ABHD6: variants seen among roughly 807,000 people sequenced by gnomAD.
The protein encoded by ABHD6 is abhydrolase domain containing 6, acylglycerol lipase.
ABHD6 carries 33 observed loss-of-function variants against 38.8 expected under a neutral mutation model. That is an observed-to-expected ratio of 0.85 (90% CI 0.64 to 1.14). ABHD6 has a LOEUF of 1.14. Ranked by LOEUF, ABHD6 falls within the 50% of genes most tolerant of loss-of-function variation. ABHD6 has a pLI of 0.00. For missense variants in ABHD6, 380 were observed against 422.6 expected, an observed-to-expected ratio of 0.90 and a Z score of 0.88; for synonymous variants, 147 against 161.6, an observed-to-expected ratio of 0.91 and a Z score of 0.69.
At chr3:58,288,131 G>C (rs114302311) in intron 9 of ABHD6, among the ~76,000 whole-genome samples, 4,330 of 152,280 alleles carry the variant, frequency 0.028, 88 homozygotes, top group Admixed American at 0.049. Context: ...CCCTGGGACA[G>C]AGGCCAAATA....
chr3:58,277,646 A>G (rs1313677119), intron 7 of ABHD6, among the ~76,000 whole-genome samples: 2 of 152,120 alleles, frequency 1.3e-5, no homozygotes, highest in Non-Finnish European at 2.9e-5. Context: ...CCAACACTAT[A>G]TTGAATAGGA....
rs753215562 is a variant in ABHD6, at chr3:58,266,114, G to A, written c.120-1075G>A. 6.6e-6 allele frequency among the ~76,000 whole-genome samples: 1 copy of A among 152,140 alleles called. No individual in the cohort carries two copies. Among genetic ancestry groups the A allele is most frequent in the Non-Finnish European group, 1.5e-5 (1 of 68,024 alleles). The stretch of plus-strand genomic sequence containing the variant: ...TAGCCAATGCTATTATGTTCTTTAC[G>A]TTTTGAGTAGGCAATGCAGTCATTA... On this transcript the variant is annotated intron_variant, in intron 3 of 9. Transcript: ENST00000478253. The surrounding 1 kb of genome is among the most constrained non-coding windows in gnomAD (Gnocchi z 4.0).
chr3:58,244,865 T>G (rs980153872), intron 1 of ABHD6, among the ~76,000 whole-genome samples: 1 of 152,228 alleles, frequency 6.6e-6, no homozygotes, highest in African/African-American at 2.4e-5. Flanking sequence ...TTTATTTAGA[T>G]AAAGTACTAA....
chr3:58,257,301 T>C lies in ABHD6; in HGVS notation c.119+596T>C, dbSNP rs1303302427. Among the ~76,000 whole-genome samples, 1 of 152,142 alleles carries C rather than the reference T, an allele frequency of 6.6e-6. No individual in the cohort carries two copies. Among genetic ancestry groups the C allele is most frequent in the Non-Finnish European group, 1.5e-5 (1 of 68,018 alleles). On this transcript the variant is annotated intron_variant, in intron 3 of 9. Transcript: ENST00000478253. This position sits in a 1 kb window ranked among gnomAD's most constrained non-coding sequence, Gnocchi z 4.8. ...AATTGTACATTTTTATGGGAACTCCTTTGGTATCTTCTTGATCATTGGTTG... is the reference window on the plus strand; with the variant it reads ...AATTGTACATTTTTATGGGAACTCCCTTGGTATCTTCTTGATCATTGGTTG...
rs1343707657 is a variant in ABHD6, at chr3:58,269,667, A to T, written c.390+233A>T. ...TTGCAGTTGTTTGTAACGAAATACA[A>T]TCTGAGCATTTTCTCAACTCTTTGA... On this transcript the variant is annotated intron_variant, in intron 5 of 9. Coordinates refer to ENST00000478253, the MANE Select transcript of ABHD6 (RefSeq NM_001320126.2). This position sits in a 1 kb window ranked among gnomAD's most constrained non-coding sequence, Gnocchi z 4.4. 6.6e-6 allele frequency among the ~76,000 whole-genome samples: 1 copy of T among 152,246 alleles called. No homozygotes were observed. The highest frequency in any genetic ancestry group is 1.9e-4 in the East Asian group (1 of 5,208).
At chr3:58,253,675 C>G (rs544758970) in intron 2 of ABHD6, among the ~76,000 whole-genome samples, 1 of 152,296 alleles carries the variant, frequency 6.6e-6, no homozygotes, top group East Asian at 1.9e-4. Flanking sequence ...CTGTGCCATA[C>G]TTGACACTGA....
intron 1 of ABHD6, among the ~76,000 whole-genome samples, chr3:58,245,604 C>T (rs2097425831): frequency 1.3e-5 from 2 of 152,050 alleles, no homozygotes; most frequent in Admixed American, 1.3e-4. Context: ...CATGGCAAAA[C>T]CCTGTCTCTA....
chr3:58,286,844 G>GCATATATATATATATATA (rs1424175632), intron 9 of ABHD6, among the ~76,000 whole-genome samples: 3 of 50,068 alleles, frequency 6.0e-5, no homozygotes, highest in African/African-American at 1.1e-4. Flanking sequence ...GTGTGTGTGT[G>GCATATATATATATATATA]TGTGTGTGTA....
Position 58,286,850 on chromosome 3 carries a change from G to GTATATATATATATATATATATA in ABHD6, c.837+1398_837+1399insATATATATATATATATATATAT, listed in dbSNP as rs1221165191. Among the ~76,000 whole-genome samples, 290 of 72,740 alleles carry GTATATATATATATATATATATA rather than the reference G, an allele frequency of 4.0e-3. 16 individuals are homozygous for GTATATATATATATATATATATA. The highest frequency in any genetic ancestry group is 5.9e-3 in the Admixed American group (34 of 5,764). 47.7% of individuals were successfully genotyped at this position (72,740 alleles called of 152,430 possible). On this transcript the variant is annotated intron_variant, in intron 9 of 9. Transcript: ENST00000478253. ...TGTGTGTGTGTGTGTGTGTGTGTGT[G>GTATATATATATATATATATATA]TGTATATATATATATATATGTATAT... is the stretch of plus-strand genomic sequence containing the variant.
Position 58,285,486 on chromosome 3 carries a change from G to C in ABHD6, c.837+33G>C, listed in dbSNP as rs779636805. On this transcript the variant is annotated intron_variant, in intron 9 of 9. Transcript: ENST00000478253. This position sits in a 1 kb window ranked among gnomAD's most constrained non-coding sequence, Gnocchi z 4.9. The stretch of plus-strand genomic sequence containing the variant: ...ACACATCCCCGCGGCAGTCTGTGCT[G>C]GTCACCAGGGCCTCTGAGGAAAAAC... 3.2e-5 allele frequency: 51 copies of C among 1,570,606 alleles called. No individual in the cohort carries two copies. Among genetic ancestry groups the C allele is most frequent in the Non-Finnish European group, 3.9e-5 (44 of 1,140,568 alleles).
At chr3:58,262,821 A>G (rs1292541809) in intron 3 of ABHD6, among the ~76,000 whole-genome samples, 4 of 152,040 alleles carry the variant, frequency 2.6e-5, no homozygotes, top group African/African-American at 7.2e-5. Flanking sequence ...TGTAATCCCA[A>G]CACTTTGGGA....
intron 7 of ABHD6, among the ~76,000 whole-genome samples, chr3:58,278,160 C>T (rs189673869): frequency 2.0e-5 from 3 of 152,106 alleles, no homozygotes; most frequent in South Asian, 2.1e-4. Flanking sequence ...TGATTGGAAT[C>T]GTTTCCAAAG....
At position 58,259,219 on chromosome 3, in the gene ABHD6, ATAGT is replaced by A. The variant is rs2107440416; in HGVS notation, c.119+2515_119+2518del. Among the ~76,000 whole-genome samples, 1 of 152,342 alleles carries A rather than the reference ATAGT, an allele frequency of 6.6e-6. No homozygotes were observed. Among genetic ancestry groups the A allele is most frequent in the Non-Finnish European group, 1.5e-5 (1 of 68,030 alleles). ...ATGTGGAAACTAGCCTCAATGCTGCATAGTCCCCCAACAGTTCCCTGGGCTGTCG... is the reference window on the plus strand; with the variant it reads ...ATGTGGAAACTAGCCTCAATGCTGCACCCCCAACAGTTCCCTGGGCTGTCG... On this transcript the variant is annotated intron_variant, in intron 3 of 9. Coordinates refer to ENST00000478253, the MANE Select transcript of ABHD6 (RefSeq NM_001320126.2). This position sits in a 1 kb window ranked among gnomAD's most constrained non-coding sequence, Gnocchi z 4.7.
intron 1 of ABHD6, among the ~76,000 whole-genome samples, chr3:58,245,783 AAAAAG>A (rs914472851): frequency 1.1e-4 from 16 of 147,242 alleles, no homozygotes; most frequent in Admixed American, 5.4e-4. Flanking sequence ...CTGTCTCAAA[AAAAAG>A]AAAGAAAGAA....
At chr3:58,243,036 A>T (rs1029640135) in intron 1 of ABHD6, among the ~76,000 whole-genome samples, 4 of 152,136 alleles carry the variant, frequency 2.6e-5, no homozygotes, top group African/African-American at 9.7e-5. Context: ...CCATGTCCCT[A>T]CAAAGGACAT....
In ABHD6 at chr3:58,293,681, G is replaced by A. The variant is rs1448310634; in HGVS notation, c.930G>A (p.Met310Ile). The A allele has an allele frequency of 1.2e-6, 2 of 1,614,230 alleles. No individual in the cohort carries two copies. Among genetic ancestry groups the A allele is most frequent in the Non-Finnish European group, 1.7e-6 (2 of 1,180,044 alleles). Residue 310 changes from methionine to isoleucine, a missense_variant, in exon 10 of 10, where the codon ATG (methionine) becomes ATA (isoleucine). Coordinates refer to ENST00000478253, the MANE Select transcript of ABHD6 (RefSeq NM_001320126.2). This position sits in a 1 kb window ranked among gnomAD's most constrained non-coding sequence, Gnocchi z 4.4. Reference sequence around the variant, plus strand: ...AAAACTGTGGGCACTCAGTAGTGATGGAAAGACCCAGGAAGACAGCCAAGC... The same window carrying A: ...AAAACTGTGGGCACTCAGTAGTGATAGAAAGACCCAGGAAGACAGCCAAGC... Reference protein sequence around the residue: ...LLENCGHSVVMERPRKTAKLI... With the variant: ...LLENCGHSVVIERPRKTAKLI...
At chr3:58,291,769 C>G (rs2097463198) in intron 9 of ABHD6, among the ~76,000 whole-genome samples, 1 of 152,244 alleles carries the variant, frequency 6.6e-6, no homozygotes, top group Non-Finnish European at 1.5e-5. Context: ...GTTGTGGTTT[C>G]TGATATCTCT....
chr3:58,263,047 C>A lies in ABHD6; in HGVS notation c.120-4142C>A, dbSNP rs556151768. 1.7e-3 allele frequency among the ~76,000 whole-genome samples: 266 copies of A among 152,154 alleles called. No individual in the cohort carries two copies. Among genetic ancestry groups the A allele is most frequent in the African/African-American group, 6.0e-3 (251 of 41,522 alleles). On this transcript the variant is annotated intron_variant, in intron 3 of 9. Transcript: ENST00000478253. This position sits in a 1 kb window ranked among gnomAD's most constrained non-coding sequence, Gnocchi z 4.9. Reference sequence around the variant, plus strand: ...ACATGGTGAAACCCCATCTCTACTACAAATACGAAAATTAGCCAGGCGTGG... The same window carrying A: ...ACATGGTGAAACCCCATCTCTACTAAAAATACGAAAATTAGCCAGGCGTGG...
chr3:58,292,236 C>G (rs1346990038), intron 9 of ABHD6, among the ~76,000 whole-genome samples: 1 of 152,172 alleles, frequency 6.6e-6, no homozygotes, highest in African/African-American at 2.4e-5. Flanking sequence ...ACCTTAACTC[C>G]CCAGTGGGCA....
Sources: gnomAD v4.1 joint callset for allele counts (sites outside exome capture counted in the v4.1 genomes callset) on GRCh38, gnomAD v4.1.1 for gene constraint, Gnocchi (gnomAD v3.1) non-coding constraint, MANE v1.5 for transcripts, NCBI Gene and HGNC (gene_info 2026-07-23, HGNC 2026-07-21) for gene names.